CFAP69: variants seen among roughly 807,000 people sequenced by gnomAD.
CFAP69 encodes the protein cilia and flagella associated protein 69.
CFAP69 carries 92 observed loss-of-function variants against 123.0 expected under a neutral mutation model. The ratio of observed to expected loss-of-function variants is 0.75; its 90% CI spans 0.63 to 0.89. The LOEUF is 0.89. CFAP69 is among the 40% of genes least tolerant of loss of function. The pLI, the probability that CFAP69 is intolerant of heterozygous loss-of-function variation, is 0.00. For missense variants in CFAP69, 1,067 were observed against 1,096.9 expected, an observed-to-expected ratio of 0.97 and a Z score of 0.39; for synonymous variants, 380 against 364.3, an observed-to-expected ratio of 1.04 and a Z score of -0.49.
chr7:90,279,351 G>A (rs890067612), intron 11 of CFAP69, among the ~76,000 whole-genome samples: 22 of 151,810 alleles, frequency 1.4e-4, no homozygotes, highest in African/African-American at 4.4e-4. Context: ...TACGTTATAC[G>A]TTTTATTATA....
chr7:90,315,094 T>G (rs928333518), downstream of CFAP69, among the ~76,000 whole-genome samples: 1 of 147,044 alleles, frequency 6.8e-6, no homozygotes, highest in African/African-American at 2.5e-5. Context: ...TATTAAAAAG[T>G]CAAAAAACAA....
At chr7:90,264,038 C>G (rs1318729110) in intron 4 of CFAP69, among the ~76,000 whole-genome samples, 1 of 141,646 alleles carries the variant, frequency 7.1e-6, no homozygotes, top group African/African-American at 2.6e-5. Flanking sequence ...TTGCAGTGAG[C>G]TGAGATCGTG....
chr7:90,287,092 A>C (rs1790406825), intron 14 of CFAP69, among the ~76,000 whole-genome samples: 1 of 151,916 alleles, frequency 6.6e-6, no homozygotes, highest in African/African-American at 2.4e-5. Context: ...TCTGAAAAAA[A>C]AAAAAAAAAA....
Position 90,245,541 on chromosome 7 carries a change from G to C in CFAP69, c.117G>C (p.Ala39=). Residue 39 remains alanine, a synonymous_variant, in exon 1 of 23, where the codon GCG becomes GCC. Coordinates refer to ENST00000389297, the MANE Select transcript of CFAP69 (RefSeq NM_001039706.3). ...GGGTGGTGACGGAGGACGATGAGGCGCAGGTATGAGCAGGTGTCTGTGCTT... is the reference window on the plus strand; with the variant it reads ...GGGTGGTGACGGAGGACGATGAGGCCCAGGTATGAGCAGGTGTCTGTGCTT... ...VVGVVTEDDE[A]QDVFKPMDLN... 1 of 1,496,220 alleles carries C rather than the reference G, an allele frequency of 6.7e-7. No homozygotes were observed. The highest frequency in any genetic ancestry group is 8.9e-7 in the Non-Finnish European group (1 of 1,123,902). The allele number at this position is 1,496,220 out of a possible 1,614,324, so 92.7% of individuals were successfully genotyped here.
At position 90,277,997 on chromosome 7, in the gene CFAP69, C is replaced by CT. The variant is rs1314718187; in HGVS notation, c.1155+668dup. On this transcript the variant is annotated intron_variant, in intron 11 of 22. Coordinates refer to ENST00000389297, the MANE Select transcript of CFAP69 (RefSeq NM_001039706.3). ...GTCTATCGTGAAGTTGCTATGAAGGCTTTTTAAACTATAAAGTGACAGTAA... is the reference window on the plus strand; with the variant it reads ...GTCTATCGTGAAGTTGCTATGAAGGCTTTTTTAAACTATAAAGTGACAGTAA... 5.9e-5 allele frequency among the ~76,000 whole-genome samples: 9 copies of CT among 152,146 alleles called. No individual in the cohort carries two copies. In the South Asian group the frequency reaches 1.7e-3, roughly 28 times the overall value.
In CFAP69 at chr7:90,286,335, T is replaced by C. The variant is rs1252095818; in HGVS notation, c.1592T>C (p.Leu531Ser). ...KPNEKEEAIV[L>S]EIQSDILLIL... is the part of the protein sequence containing the mutation. The stretch of plus-strand genomic sequence containing the variant: ...AATGAAAAGGAAGAAGCCATTGTTT[T>C]GGAAATCCAGTCTGATATATTACTT... The change falls in exon 14 of 23, where the codon TTG becomes TCG. Residue 531 changes from leucine to serine, a missense_variant. Transcript: ENST00000389297. 5 of 1,610,878 alleles carry C rather than the reference T, an allele frequency of 3.1e-6. No individual in the cohort carries two copies. Among genetic ancestry groups the C allele is most frequent in the Non-Finnish European group, 4.2e-6 (5 of 1,178,260 alleles).
At chr7:90,252,972 T>C (rs1410690164) in intron 1 of CFAP69, among the ~76,000 whole-genome samples, 1 of 152,164 alleles carries the variant, frequency 6.6e-6, no homozygotes, top group Non-Finnish European at 1.5e-5. Context: ...TAACTAACAC[T>C]AAGTGAAATT....
intron 14 of CFAP69, among the ~76,000 whole-genome samples, chr7:90,287,262 A>G (rs1286355555): frequency 6.6e-6 from 1 of 152,136 alleles, no homozygotes; most frequent in East Asian, 1.9e-4. Context: ...TAATGAATAA[A>G]GCTTCAGTGA....
intron 16 of CFAP69, 70 bp from the exon 17 acceptor site, chr7:90,299,796 CT>C (rs36006782): frequency 2.9e-3 from 2,872 of 999,166 alleles, no homozygotes; most frequent in South Asian, 5.2e-3. Flanking sequence ...GTGTTTCTCT[CT>C]TTTTTTTTTG....
intron 15 of CFAP69, among the ~76,000 whole-genome samples, chr7:90,293,716 G>C (rs1791534628): frequency 6.6e-6 from 1 of 152,086 alleles, no homozygotes; most frequent in African/African-American, 2.4e-5. Context: ...GGCAACTTTT[G>C]CTTTTGGCAA....
intron 15 of CFAP69, 101 bp downstream of exon 15, chr7:90,288,453 A>C: frequency 9.1e-5 from 122 of 1,336,812 alleles, no homozygotes; most frequent in Non-Finnish European, 1.2e-4. Flanking sequence ...AGGCAATTTC[A>C]TCTTATGCAA....
At position 90,310,742 on chromosome 7, in the gene CFAP69, C is replaced by T. The variant is rs1794245790; in HGVS notation, c.*504C>T. Reference sequence around the variant, plus strand: ...ATGCATCTCAGGACCCCTGATTGCCCACATGCCTACGGTAGTCCTGAGCCA... The same window carrying T: ...ATGCATCTCAGGACCCCTGATTGCCTACATGCCTACGGTAGTCCTGAGCCA... On this transcript the variant is annotated 3_prime_UTR_variant, in exon 23 of 23. Transcript: ENST00000389297. 1 of 152,386 alleles carries T rather than the reference C, an allele frequency of 6.6e-6. No homozygotes were observed. Among genetic ancestry groups the T allele is most frequent in the African/African-American group, 2.4e-5 (1 of 41,412 alleles). 9.4% of individuals were successfully genotyped at this position (152,386 alleles called of 1,614,324 possible). A position where few individuals can be genotyped will look rare whatever the true frequency, so the allele number is the denominator to read the frequency against.
the CFAP69 span, chr7:90,317,223 C>T: frequency 6.6e-6 from 1 of 151,988 alleles, no homozygotes; most frequent in East Asian, 1.9e-4. Context: ...AATGTGACTC[C>T]TCTCAAATGA....
chr7:90,274,265 C>T (rs1358996573), intron 9 of CFAP69, among the ~76,000 whole-genome samples, 155 bp downstream of exon 9: 1 of 152,124 alleles, frequency 6.6e-6, no homozygotes, highest in Non-Finnish European at 1.5e-5. Context: ...ATCACTCTGC[C>T]AATTCTTCTT....
chr7:90,294,232 A>G (rs1269256961), intron 15 of CFAP69, among the ~76,000 whole-genome samples: 2 of 152,230 alleles, frequency 1.3e-5, no homozygotes, highest in Non-Finnish European at 2.9e-5. Context: ...ATGACCGTAA[A>G]GTATTTGGAA....
intron 1 of CFAP69, among the ~76,000 whole-genome samples, chr7:90,246,826 T>A (rs542149900): frequency 6.6e-6 from 1 of 152,118 alleles, no homozygotes; most frequent in South Asian, 2.1e-4. Flanking sequence ...ATTTTTTTTT[T>A]TTTTTAGGGA....
intron 18 of CFAP69, 32 bp from the exon 19 acceptor site, chr7:90,304,712 A>G (rs755645511): frequency 4.4e-6 from 7 of 1,590,360 alleles, no homozygotes; most frequent in Non-Finnish European, 6.0e-6. Flanking sequence ...TGCTCTGCTA[A>G]AGTAATTCTG....
chr7:90,298,198 A>G (rs1471039139), intron 16 of CFAP69, among the ~76,000 whole-genome samples: 1 of 152,236 alleles, frequency 6.6e-6, no homozygotes, highest in Non-Finnish European at 1.5e-5. Context: ...TGATATTAAA[A>G]GATAAGGGCC....
downstream of CFAP69, among the ~76,000 whole-genome samples, chr7:90,314,946 A>G (rs1006312305): frequency 6.8e-6 from 1 of 147,088 alleles, no homozygotes; most frequent in African/African-American, 2.4e-5. Context: ...TGGGCAAAGG[A>G]CATGAACAGA....
Sources: gnomAD v4.1 joint callset for allele counts (sites outside exome capture counted in the v4.1 genomes callset) on GRCh38, gnomAD v4.1.1 for gene constraint, MANE v1.5 for transcripts, NCBI Gene and HGNC (gene_info 2026-07-23, HGNC 2026-07-21) for gene names.